The following BAZ2B variants were observed in gnomAD, a reference collection of about 807,000 sequenced individuals.
The protein encoded by BAZ2B is bromodomain adjacent to zinc finger domain 2B, also known as bromodomain adjacent to zinc finger domain protein 2B.
BAZ2B carries 91 observed loss-of-function variants against 246.0 expected under a neutral mutation model. That is an observed-to-expected ratio of 0.37 (90% CI 0.31 to 0.44). BAZ2B has a LOEUF of 0.44. BAZ2B is among the 20% of genes least tolerant of loss of function. The pLI is 1.00. For missense variants in BAZ2B, 2,332 were observed against 2,533.7 expected, an observed-to-expected ratio of 0.92 and a Z score of 1.71; for synonymous variants, 855 against 860.0, an observed-to-expected ratio of 0.99 and a Z score of 0.10.
intron 2 of BAZ2B, among the ~76,000 whole-genome samples, chr2:159,488,261 C>T (rs2080060290): frequency 1.3e-5 from 2 of 151,964 alleles, no homozygotes; most frequent in Admixed American, 6.6e-5. Flanking sequence ...TTAATAGACA[C>T]AGGATTTCAC....
At chr2:159,702,987 T>C in the BAZ2B span, among the ~76,000 whole-genome samples, 2 of 152,020 alleles carry the variant, frequency 1.3e-5, no homozygotes, top group African/African-American at 4.8e-5. Context: ...GAGCTTGCAG[T>C]GAGCCGAGAT....
chr2:159,509,411 G>A (rs1185095515), intron 2 of BAZ2B, among the ~76,000 whole-genome samples: 1 of 152,056 alleles, frequency 6.6e-6, no homozygotes, highest in African/African-American at 2.4e-5. Flanking sequence ...CAACCAGAAG[G>A]CTTAATTATT....
the BAZ2B span, among the ~76,000 whole-genome samples, chr2:159,656,292 T>C: frequency 6.6e-6 from 1 of 152,138 alleles, no homozygotes; most frequent in African/African-American, 2.4e-5. Context: ...TATCTTGAAT[T>C]ACTGTGGTAC....
the BAZ2B span, among the ~76,000 whole-genome samples, chr2:159,675,328 G>C: frequency 1.3e-5 from 2 of 151,382 alleles, no homozygotes; most frequent in African/African-American, 4.8e-5. Context: ...TTTAACAAAT[G>C]TTAAATGAGC....
chr2:159,339,047 G>A (rs1213827850), intron 31 of BAZ2B, among the ~76,000 whole-genome samples: 2 of 152,046 alleles, frequency 1.3e-5, no homozygotes, highest in African/African-American at 4.8e-5. Context: ...ATGAAAAATG[G>A]AATAAACTTA....
At position 159,433,297 on chromosome 2, in the gene BAZ2B, CCTT is replaced by C. The variant is rs1332018589; in HGVS notation, c.1357_1359del (p.Lys453del). 2.5e-6 allele frequency: 4 copies of C among 1,613,954 alleles called. No individual in the cohort carries two copies. The African/African-American group carries it at 4.0e-5, about 16-fold the overall frequency. On this transcript the variant is annotated inframe_deletion, in exon 9 of 37. Transcript: ENST00000392783. ...TTTGGATTTGACAAAGCTGCAATAA[CCTT>C]CTTCAGGCTCTTCGATGACTCTTGT...
chr2:159,667,444 A>C, the BAZ2B span, among the ~76,000 whole-genome samples: 3 of 151,970 alleles, frequency 2.0e-5, no homozygotes, highest in Middle Eastern at 0.01. Context: ...AAAAATGCAA[A>C]AATTAGCCAG....
At chr2:159,424,341 T>C (rs1464733258) in intron 13 of BAZ2B, among the ~76,000 whole-genome samples, 1 of 152,122 alleles carries the variant, frequency 6.6e-6, no homozygotes, top group Non-Finnish European at 1.5e-5. Context: ...TTTACTTCTT[T>C]AGTATTTAAT....
At chr2:159,617,043 T>G (rs529111437), upstream of BAZ2B, 1 of 152,314 alleles carries the variant, frequency 6.6e-6, no homozygotes, top group East Asian at 1.9e-4. Context: ...GCTGTAATGT[T>G]TATGCACTAA....
chr2:159,686,335 T>C, the BAZ2B span, among the ~76,000 whole-genome samples: 1 of 152,318 alleles, frequency 6.6e-6, no homozygotes, highest in East Asian at 1.9e-4. Context: ...AGAGAGATCA[T>C]GTTGATAGCA....
chr2:159,571,419 C>G (rs1299179116), intron 1 of BAZ2B, among the ~76,000 whole-genome samples: 1 of 152,098 alleles, frequency 6.6e-6, no homozygotes, highest in Non-Finnish European at 1.5e-5. Flanking sequence ...CCCCTAGTTA[C>G]TGGTACAGAA....
the BAZ2B span, among the ~76,000 whole-genome samples, chr2:159,676,666 C>CACACAT: frequency 6.6e-6 from 1 of 151,620 alleles, no homozygotes; most frequent in Non-Finnish European, 1.5e-5. Flanking sequence ...CACACACACA[C>CACACAT]ACACACACAC....
At chr2:159,649,142 C>A in the BAZ2B span, among the ~76,000 whole-genome samples, 1 of 151,988 alleles carries the variant, frequency 6.6e-6, no homozygotes, top group Non-Finnish European at 1.5e-5. Flanking sequence ...CTGTTCAACT[C>A]GTTGGCCATT....
chr2:159,513,489 T>A (rs894315352), intron 2 of BAZ2B, among the ~76,000 whole-genome samples: 2 of 152,172 alleles, frequency 1.3e-5, no homozygotes, highest in African/African-American at 2.4e-5. Context: ...GTCTACCACA[T>A]CCAAAGTCAA....
At chr2:159,610,335 T>C (rs1694440627) in intron 1 of BAZ2B, among the ~76,000 whole-genome samples, 1 of 152,070 alleles carries the variant, frequency 6.6e-6, no homozygotes, top group Non-Finnish European at 1.5e-5. Flanking sequence ...ACCTCTAGGG[T>C]TTGCATACAA....
At chr2:159,405,541 G>C (rs905327759) in intron 14 of BAZ2B, among the ~76,000 whole-genome samples, 7 of 152,052 alleles carry the variant, frequency 4.6e-5, no homozygotes, top group African/African-American at 1.7e-4. Flanking sequence ...AATTGCCTAA[G>C]GTCAGACAGA....
intron 2 of BAZ2B, among the ~76,000 whole-genome samples, chr2:159,551,078 TC>T (rs1304378076): frequency 6.6e-6 from 1 of 151,576 alleles, no homozygotes; most frequent in African/African-American, 2.4e-5. Flanking sequence ...GCTCAAGCAA[TC>T]CCCCCTGTTG....
chr2:159,526,719 G>A (rs1377188811), intron 2 of BAZ2B, among the ~76,000 whole-genome samples: 1 of 152,056 alleles, frequency 6.6e-6, no homozygotes, highest in African/African-American at 2.4e-5. Context: ...GGCAGATCAT[G>A]AAACAAGCCT....
At chr2:159,519,667 C>CTT (rs2083904223) in intron 2 of BAZ2B, among the ~76,000 whole-genome samples, 1 of 113,610 alleles carries the variant, frequency 8.8e-6, no homozygotes. Flanking sequence ...AGGGACCTTT[C>CTT]TTCTTTTTTT....
Sources: allele counts gnomAD v4.1 joint callset (sites outside exome capture counted in the v4.1 genomes callset), GRCh38; gene constraint gnomAD v4.1.1; transcripts MANE v1.5; gene names NCBI Gene and HGNC (gene_info 2026-07-23, HGNC 2026-07-21).